Variants in ADH7 observed in about 807,000 individuals in gnomAD.
ADH7 encodes the protein alcohol dehydrogenase 7 (class IV), mu or sigma polypeptide.
ADH7 carries 41 observed loss-of-function variants against 34.4 expected under a neutral mutation model. The ratio of observed to expected loss-of-function variants is 1.19; its 90% CI spans 0.93 to 1.55. The LOEUF (loss-of-function observed/expected upper bound fraction) is 1.55, where lower values mean the gene tolerates loss of function less well. Among genes scored for constraint, ADH7 ranks in the 40% most tolerant of loss-of-function variants. The pLI is 0.00. For synonymous variants in ADH7, 180 were observed against 160.9 expected, an observed-to-expected ratio of 1.12 and a Z score of -0.90; for missense variants, 540 against 461.2, an observed-to-expected ratio of 1.17 and a Z score of -1.56.
At chr4:99,417,553 A>G (rs1407183037) in intron 7 of ADH7, among the ~76,000 whole-genome samples, 1 of 152,016 alleles carries the variant, frequency 6.6e-6, no homozygotes, top group African/African-American at 2.4e-5. Flanking sequence ...CCCATCCTTT[A>G]TTATTATCCT....
chr4:99,416,314 C>T (rs567799771), intron 7 of ADH7, among the ~76,000 whole-genome samples: 1 of 152,254 alleles, frequency 6.6e-6, no homozygotes, highest in African/African-American at 2.4e-5. Context: ...CTCACCCTCT[C>T]TGAGCCCACT....
At chr4:99,415,661 C>A in intron 7 of ADH7, 45 bp from the exon 8 acceptor site, 1 of 1,571,414 alleles carries the variant, frequency 6.4e-7, no homozygotes, top group Non-Finnish European at 8.7e-7. Context: ...ACTAAATAAT[C>A]CTTATCTTTT....
chr4:99,417,862 T>C (rs1403060898), intron 7 of ADH7, among the ~76,000 whole-genome samples: 1 of 152,232 alleles, frequency 6.6e-6, no homozygotes, highest in Non-Finnish European at 1.5e-5. Context: ...ATATCTCTTA[T>C]TGTTTTGTTC....
rs867843878 is a variant in ADH7, at chr4:99,428,624, C to A, written c.127G>T (p.Ala43Ser). ...TCATCTGTGCGACAGATTCCTGTGG[C>A]CAAAATCTGTGTTCAAAGACAAAAA... ...KTKEVRIKIL[A>S]TGICRTDDHV... The change falls in exon 3 of 9, where the codon GCC (alanine) becomes TCC (serine). Residue 43 changes from alanine to serine, a missense_variant. Coordinates refer to ENST00000437033, the MANE Select transcript of ADH7 (RefSeq NM_000673.7). The A allele has an allele frequency of 6.2e-7, 1 of 1,611,364 alleles. No homozygotes were observed. Among genetic ancestry groups the A allele is most frequent in the Admixed American group, 1.7e-5 (1 of 59,418 alleles).
intron 6 of ADH7, 117 bp downstream of exon 6, chr4:99,420,412 AACTG>A (rs1721619533): frequency 8.3e-7 from 1 of 1,208,784 alleles, no homozygotes; most frequent in Admixed American, 2.6e-5. Flanking sequence ...GCCTGAGTAA[AACTG>A]ACTATCGCAG....
intron 6 of ADH7, among the ~76,000 whole-genome samples, chr4:99,419,578 C>T (rs533448611): frequency 1.3e-5 from 2 of 152,064 alleles, no homozygotes; most frequent in African/African-American, 4.8e-5. Flanking sequence ...TGAGACTAAC[C>T]TCACATTTTC....
intron 1 of ADH7, among the ~76,000 whole-genome samples, chr4:99,431,826 G>T (rs1200173165): frequency 6.6e-6 from 1 of 152,046 alleles, no homozygotes; most frequent in African/African-American, 2.4e-5. Flanking sequence ...AAACAAACTG[G>T]TGAGGTTGGA....
In ADH7 at chr4:99,427,903, G is replaced by C. The variant is rs1415620173; in HGVS notation, c.434C>G (p.Thr145Arg). ...ATCCACCACTGTGTACTCGGTAAAT[G>C]TACTGGTGTTCATGAAGTGGTGGAC... Reference protein sequence around the residue: ...KPVHHFMNTSTFTEYTVVDES... With the variant: ...KPVHHFMNTSRFTEYTVVDES... Residue 145 changes from threonine to arginine, a missense_variant, in exon 5 of 9, where the codon ACA (threonine) becomes AGA (arginine). Physicochemically the swap from Thr to Arg is moderately conservative, Grantham distance 71 (BLOSUM62 -1). Coordinates refer to ENST00000437033, the MANE Select transcript of ADH7 (RefSeq NM_000673.7). 2 of 1,613,980 alleles carry C rather than the reference G, an allele frequency of 1.2e-6. No homozygotes were observed. The highest frequency in any genetic ancestry group is 1.7e-6 in the Non-Finnish European group (2 of 1,179,928).
chr4:99,428,740 C>T, intron 2 of ADH7, 110 bp from the exon 3 acceptor site: 1 of 1,357,304 alleles, frequency 7.4e-7, no homozygotes, highest in Non-Finnish European at 1.0e-6. Context: ...ATATCTTTGC[C>T]TAATATAACA....
intron 8 of ADH7, 82 bp from the exon 9 acceptor site, chr4:99,413,254 C>T (rs181835741): frequency 2.6e-4 from 375 of 1,461,498 alleles, no homozygotes; most frequent in Non-Finnish European, 3.1e-4. Flanking sequence ...TCCTTTCTAT[C>T]TGTCATAGAA....
chr4:99,414,721 G>T (rs968585850), intron 8 of ADH7, among the ~76,000 whole-genome samples: 8 of 152,062 alleles, frequency 5.3e-5, no homozygotes, highest in Admixed American at 6.6e-5. Context: ...CACAACCTTG[G>T]TCTTCATCTA....
intron 1 of ADH7, chr4:99,434,945 T>C (rs775601547): frequency 8.0e-7 from 1 of 1,245,456 alleles, no homozygotes; most frequent in Non-Finnish European, 1.1e-6. Flanking sequence ...GGAAATCAAA[T>C]TATGAATAAT....
chr4:99,428,046 A>G, intron 4 of ADH7, 41 bp downstream of exon 4: 1 of 1,612,384 alleles, frequency 6.2e-7, no homozygotes, highest in South Asian at 1.1e-5. Context: ...TTAGCATAGG[A>G]AAAATGTAAA....
At chr4:99,429,707 A>C in intron 1 of ADH7, 74 bp from the exon 2 acceptor site, 1 of 1,014,226 alleles carries the variant, frequency 9.9e-7, no homozygotes, top group Non-Finnish European at 1.5e-6. Flanking sequence ...TAGTATAAAT[A>C]TGAACAGAAG....
intron 8 of ADH7, among the ~76,000 whole-genome samples, chr4:99,414,205 T>C (rs755328448): frequency 4.6e-5 from 7 of 152,194 alleles, no homozygotes; most frequent in Non-Finnish European, 1.0e-4. Flanking sequence ...TCTGACAGTT[T>C]TTCTTACAAA....
At chr4:99,432,178 G>C (rs1721950688) in intron 1 of ADH7, among the ~76,000 whole-genome samples, 1 of 152,146 alleles carries the variant, frequency 6.6e-6, no homozygotes, top group Non-Finnish European at 1.5e-5. Context: ...CATGGAAGGA[G>C]CTGGAGGCCA....
rs906217967 is a variant in ADH7, at chr4:99,421,752, T to C, written c.565-959A>G. On this transcript the variant is annotated intron_variant, in intron 5 of 8. Coordinates refer to ENST00000437033, the MANE Select transcript of ADH7 (RefSeq NM_000673.7). ...GGAGGAGATTTTTGTGATCTACTCA[T>C]CTGACAAAGGTCTAATATGCAGAAT... Among the ~76,000 whole-genome samples, 16 of 152,204 alleles carry C rather than the reference T, an allele frequency of 1.1e-4. No individual in the cohort carries two copies. The East Asian group carries it at 3.1e-3, about 29-fold the overall frequency.
chr4:99,421,639 A>T (rs112270685), intron 5 of ADH7, among the ~76,000 whole-genome samples: 6 of 152,210 alleles, frequency 3.9e-5, no homozygotes, highest in African/African-American at 1.2e-4. Context: ...ACAAAAGCCA[A>T]ACTTGACAAA....
At chr4:99,433,898 A>G (rs924385098) in intron 1 of ADH7, among the ~76,000 whole-genome samples, 1 of 152,178 alleles carries the variant, frequency 6.6e-6, no homozygotes, top group African/African-American at 2.4e-5. Flanking sequence ...TTTTTTAATG[A>G]AAAAGAAAAC....
Sources: gnomAD v4.1 joint callset for allele counts (sites outside exome capture counted in the v4.1 genomes callset) on GRCh38, gnomAD v4.1.1 for gene constraint, MANE v1.5 for transcripts, NCBI Gene and HGNC (gene_info 2026-07-23, HGNC 2026-07-21) for gene names.